The following RASGRP3 variants were observed in gnomAD, a reference collection of about 807,000 sequenced individuals.
RASGRP3 encodes RAS guanyl releasing protein 3.
RASGRP3 carries 54 observed loss-of-function variants against 82.7 expected under a neutral mutation model. That is an observed-to-expected ratio of 0.65 (90% CI 0.52 to 0.82). The LOEUF is 0.82. RASGRP3 is among the 40% of genes least tolerant of loss of function. The pLI, the probability that RASGRP3 is intolerant of heterozygous loss-of-function variation, is 0.00. For missense variants in RASGRP3, 861 were observed against 828.9 expected (o/e 1.04, Z -0.48); for synonymous variants, 309 against 300.5 (o/e 1.03, Z -0.29).
intron 10 of RASGRP3, chr2:33,530,774 T>G (rs1050627751): frequency 6.6e-6 from 1 of 152,262 alleles, no homozygotes; most frequent in African/African-American, 2.4e-5. Flanking sequence ...CATTGTATCC[T>G]TGGCCCCTTG....
chr2:33,465,632 A>G (rs1462950806), intron 2 of RASGRP3, among the ~76,000 whole-genome samples: 1 of 152,222 alleles, frequency 6.6e-6, no homozygotes, highest in East Asian at 1.9e-4. Context: ...ATCATTGATG[A>G]AGGTAGCTAC....
At chr2:33,515,736 G>C (rs1347274362) in intron 3 of RASGRP3, among the ~76,000 whole-genome samples, 1 of 152,122 alleles carries the variant, frequency 6.6e-6, no homozygotes, top group Non-Finnish European at 1.5e-5. Flanking sequence ...CTTTTCAGCT[G>C]TATGCTCCTT....
chr2:33,486,671 ATAAC>A (rs1257853317), intron 1 of RASGRP3, among the ~76,000 whole-genome samples: 17 of 152,232 alleles, frequency 1.1e-4, no homozygotes, highest in Non-Finnish European at 2.1e-4. Flanking sequence ...GAGAAAGGAG[ATAAC>A]TAACTATATC....
intron 7 of RASGRP3, 22 bp from the exon 8 acceptor site, chr2:33,523,857 T>C (rs1347362894): frequency 6.3e-7 from 1 of 1,582,842 alleles, no homozygotes; most frequent in Non-Finnish European, 8.6e-7. Flanking sequence ...TAATTCAGAG[T>C]CTCTGAATCT....
At chr2:33,451,322 A>G (rs189641738) in intron 2 of RASGRP3, among the ~76,000 whole-genome samples, 3 of 152,328 alleles carry the variant, frequency 2.0e-5, no homozygotes, top group East Asian at 1.9e-4. Flanking sequence ...CTTATCAGAT[A>G]TAATACATAG....
At chr2:33,557,567 A>G (rs1194878912) in intron 15 of RASGRP3, among the ~76,000 whole-genome samples, 2 of 151,964 alleles carry the variant, frequency 1.3e-5, no homozygotes, top group Non-Finnish European at 2.9e-5. Context: ...AAAATTAGCC[A>G]GGTGTGGTGG....
intron 1 of RASGRP3, among the ~76,000 whole-genome samples, chr2:33,507,551 A>G (rs1010346421): frequency 6.6e-6 from 1 of 152,136 alleles, no homozygotes; most frequent in Non-Finnish European, 1.5e-5. Flanking sequence ...CTTGAGACTG[A>G]GTCTCTCTAT....
At chr2:33,514,947 T>C in intron 2 of RASGRP3, 63 bp from the exon 3 acceptor site, 1 of 585,600 alleles carries the variant, frequency 1.7e-6, no homozygotes, top group Non-Finnish European at 3.1e-6. Context: ...GGTAGGAAAG[T>C]GATGCTCTAG....
intron 2 of RASGRP3, among the ~76,000 whole-genome samples, chr2:33,455,734 C>T (rs1666003285): frequency 1.3e-5 from 2 of 152,136 alleles, no homozygotes; most frequent in East Asian, 1.9e-4. Context: ...GTTTTGCAGA[C>T]TCTATGAAAG....
intron 2 of RASGRP3, among the ~76,000 whole-genome samples, chr2:33,461,925 T>A (rs1275284507): frequency 6.6e-6 from 1 of 152,202 alleles, no homozygotes; most frequent in Admixed American, 6.5e-5. Context: ...ACCAAGAGGC[T>A]GTGATGGTTG....
intron 1 of RASGRP3, among the ~76,000 whole-genome samples, chr2:33,499,993 T>A (rs919305426): frequency 6.6e-6 from 1 of 152,078 alleles, no homozygotes; most frequent in Non-Finnish European, 1.5e-5. Context: ...AGGAAGTCAG[T>A]ACACTGAGTG....
In RASGRP3 at chr2:33,564,044, T is replaced by C. The variant is rs920576860; in HGVS notation, c.*1307T>C. On this transcript the variant is annotated 3_prime_UTR_variant, in exon 18 of 18. Transcript: ENST00000403687. Reference sequence around the variant, plus strand: ...TGGGGGCTAAAGTGTATATATTCCATTTAAAATGGAATTTGTTTGTATTTG... The same window carrying C: ...TGGGGGCTAAAGTGTATATATTCCACTTAAAATGGAATTTGTTTGTATTTG... The C allele has an allele frequency of 9.2e-5, 14 of 152,200 alleles. No individual in the cohort carries two copies. Among genetic ancestry groups the C allele is most frequent in the African/African-American group, 2.9e-4 (12 of 41,422 alleles). The allele number at this position is 152,200 out of a possible 1,614,324, so 9.4% of individuals were successfully genotyped here. A position where few individuals can be genotyped will look rare whatever the true frequency, so the allele number is the denominator to read the frequency against.
chr2:33,550,740 C>T (rs1282983757), intron 14 of RASGRP3, among the ~76,000 whole-genome samples: 3 of 152,088 alleles, frequency 2.0e-5, no homozygotes, highest in Admixed American at 1.3e-4. Context: ...AATTTGTTGC[C>T]GATATTATAC....
intron 10 of RASGRP3, among the ~76,000 whole-genome samples, 153 bp downstream of exon 10, chr2:33,527,565 G>A (rs917315018): frequency 2.0e-5 from 3 of 152,138 alleles, no homozygotes; most frequent in Middle Eastern, 3.2e-3. Flanking sequence ...AAGGGAAAAG[G>A]AGCCCTGATT....
intron 12 of RASGRP3, among the ~76,000 whole-genome samples, chr2:33,541,088 T>C (rs944296139): frequency 2.0e-5 from 3 of 147,148 alleles, no homozygotes; most frequent in African/African-American, 7.3e-5. Context: ...AAATCAAATA[T>C]AAATTTGTAT....
At chr2:33,501,000 A>C (rs1669821937) in intron 1 of RASGRP3, among the ~76,000 whole-genome samples, 1 of 152,208 alleles carries the variant, frequency 6.6e-6, no homozygotes, top group Non-Finnish European at 1.5e-5. Context: ...AGGTTCTTCA[A>C]CAACTAGCAC....
intron 11 of RASGRP3, among the ~76,000 whole-genome samples, chr2:33,535,192 T>G (rs1204202826): frequency 6.6e-6 from 1 of 152,246 alleles, no homozygotes; most frequent in African/African-American, 2.4e-5. Flanking sequence ...GGATGGTGTC[T>G]CACTTAATAG....
chr2:33,534,204 G>C (rs552903491), intron 10 of RASGRP3, 119 bp from the exon 11 acceptor site: 4 of 679,556 alleles, frequency 5.9e-6, no homozygotes, highest in Non-Finnish European at 1.0e-5. Context: ...TTATTGTTCT[G>C]CATTTACTCA....
chr2:33,444,612 C>A (rs1196087734), intron 1 of RASGRP3, among the ~76,000 whole-genome samples: 1 of 152,204 alleles, frequency 6.6e-6, no homozygotes, highest in Non-Finnish European at 1.5e-5. Context: ...GCTACCTTTT[C>A]TGTACTCACA....
Sources: allele counts gnomAD v4.1 joint callset (sites outside exome capture counted in the v4.1 genomes callset), GRCh38; gene constraint gnomAD v4.1.1; transcripts MANE v1.5; gene names NCBI Gene and HGNC (gene_info 2026-07-23, HGNC 2026-07-21).